KCND3: variants seen among roughly 807,000 people sequenced by gnomAD.
KCND3 encodes the protein A-type voltage-gated potassium channel KCND3.
In KCND3, 9 loss-of-function variants were observed where a neutral mutation model predicts 51.1. The ratio of observed to expected loss-of-function variants is 0.18; its 90% CI spans 0.11 to 0.31. The LOEUF (loss-of-function observed/expected upper bound fraction) is 0.31, where lower values mean the gene tolerates loss of function less well. KCND3 is among the 10% of genes least tolerant of loss of function. The probability of loss-of-function intolerance (pLI) is 1.00; values close to 1 mark genes in which losing one functional copy is unlikely to be tolerated. For synonymous variants in KCND3, 349 were observed against 368.0 expected, an observed-to-expected ratio of 0.95 and a Z score of 0.59; for missense variants, 526 against 903.8, an observed-to-expected ratio of 0.58 and a Z score of 5.36.
intron 2 of KCND3, among the ~76,000 whole-genome samples, chr1:111,966,316 G>T (rs962558541): frequency 2.6e-5 from 4 of 152,170 alleles, no homozygotes; most frequent in African/African-American, 9.7e-5. Context: ...ATAAAATACT[G>T]GGGGTGGAGA....
intron 2 of KCND3, among the ~76,000 whole-genome samples, chr1:111,878,434 C>T (rs966717635): frequency 2.6e-5 from 4 of 152,214 alleles, no homozygotes; most frequent in African/African-American, 7.2e-5. Flanking sequence ...CCTGCTGTGG[C>T]GCCCGCCCAA....
At chr1:111,890,322 T>C (rs2101760246) in intron 2 of KCND3, among the ~76,000 whole-genome samples, 1 of 152,064 alleles carries the variant, frequency 6.6e-6, no homozygotes, top group Non-Finnish European at 1.5e-5. Flanking sequence ...CAAGATGTCT[T>C]GAGAGGTTGG....
chr1:111,986,577 T>C (rs1675296701), intron 1 of KCND3, among the ~76,000 whole-genome samples: 1 of 152,220 alleles, frequency 6.6e-6, no homozygotes, highest in Non-Finnish European at 1.5e-5. Flanking sequence ...ATGATCACCC[T>C]CTGGGCCTCA....
intron 2 of KCND3, among the ~76,000 whole-genome samples, chr1:111,954,791 C>G (rs1156944218): frequency 6.6e-6 from 1 of 152,240 alleles, no homozygotes; most frequent in Non-Finnish European, 1.5e-5. Context: ...TCCTCTGGGA[C>G]TCTAACCTAA....
At chr1:111,972,168 C>CTTTTTTTTTTTTT (rs56102317) in intron 2 of KCND3, among the ~76,000 whole-genome samples, 1 of 80,202 alleles carries the variant, frequency 1.2e-5, no homozygotes, top group East Asian at 3.6e-4. Context: ...ATTTGTATAT[C>CTTTTTTTTTTTTT]TTTTTTTTTT....
At chr1:111,941,101 A>G (rs1672495669) in intron 2 of KCND3, among the ~76,000 whole-genome samples, 1 of 152,124 alleles carries the variant, frequency 6.6e-6, no homozygotes, top group Non-Finnish European at 1.5e-5. Context: ...GCTCTGACAA[A>G]CTTACCTCAG....
At chr1:111,959,316 A>G (rs1673509188) in intron 2 of KCND3, among the ~76,000 whole-genome samples, 1 of 152,084 alleles carries the variant, frequency 6.6e-6, no homozygotes, top group African/African-American at 2.4e-5. Context: ...CAGGATGGAG[A>G]GACAACTATA....
chr1:111,902,674 A>T (rs559805204), intron 2 of KCND3, among the ~76,000 whole-genome samples: 8 of 152,316 alleles, frequency 5.3e-5, no homozygotes, highest in African/African-American at 1.7e-4. Flanking sequence ...GCTACTTTCC[A>T]GTGTTGTGCC....
At position 111,955,571 on chromosome 1, in the gene KCND3, T is replaced by G. The variant is rs118074786; in HGVS notation, c.1106+26050A>C. On this transcript the variant is annotated intron_variant, in intron 2 of 7. Coordinates refer to ENST00000302127, the MANE Select transcript of KCND3 (RefSeq NM_001378969.1). Reference sequence around the variant, plus strand: ...TGCATTGTAATGATCTGTTTACATGTGCGTCTCCCTCGCTGGGCCCTCACT... The same window carrying G: ...TGCATTGTAATGATCTGTTTACATGGGCGTCTCCCTCGCTGGGCCCTCACT... Among the ~76,000 whole-genome samples the G allele has an allele frequency of 1.9e-3, 297 of 152,334 alleles. 8 individuals carry two copies. The East Asian group carries it at 0.055, about 28-fold the overall frequency.
chr1:111,778,356 CG>C, intron 6 of KCND3, 79 bp downstream of exon 6: 4 of 1,331,104 alleles, frequency 3.0e-6, no homozygotes, highest in Non-Finnish European at 4.3e-6. Context: ...AGAACCAGGC[CG>C]GGGGGTAAAA....
chr1:111,978,074 A>G (rs1407531678), intron 2 of KCND3, among the ~76,000 whole-genome samples: 2 of 152,202 alleles, frequency 1.3e-5, no homozygotes, highest in Non-Finnish European at 2.9e-5. Flanking sequence ...TCAAGCCCTG[A>G]CAGCAGCTGG....
At chr1:111,796,403 A>G (rs1665059126) in intron 2 of KCND3, among the ~76,000 whole-genome samples, 1 of 151,172 alleles carries the variant, frequency 6.6e-6, no homozygotes, top group Non-Finnish European at 1.5e-5. Flanking sequence ...GACCAGACCA[A>G]AAAAAAAATG....
chr1:111,796,299 T>C (rs924472626), intron 2 of KCND3, among the ~76,000 whole-genome samples: 14 of 152,110 alleles, frequency 9.2e-5, no homozygotes, highest in African/African-American at 3.1e-4. Flanking sequence ...TAGGTTGTCT[T>C]CCATATCATA....
At chr1:111,919,514 AG>A (rs920555703) in intron 2 of KCND3, among the ~76,000 whole-genome samples, 3 of 152,110 alleles carry the variant, frequency 2.0e-5, no homozygotes, top group African/African-American at 7.2e-5. Context: ...GAGGAGATAA[AG>A]CCCTGAGGGC....
In KCND3 at chr1:111,835,359, G is replaced by A. The variant is rs189896562; in HGVS notation, c.1107-48253C>T. Among the ~76,000 whole-genome samples the A allele has an allele frequency of 1.4e-3, 212 of 152,306 alleles. 1 individual carries two copies. The highest frequency in any genetic ancestry group is 2.8e-3 in the Non-Finnish European group (188 of 68,018). On this transcript the variant is annotated intron_variant, in intron 2 of 7. Coordinates refer to ENST00000302127, the MANE Select transcript of KCND3 (RefSeq NM_001378969.1). ...TGTAAATCCAGATCCATCTGTCAGAGGTGTTTGAACCAGAGCAAGTCCATC... is the reference window on the plus strand; with the variant it reads ...TGTAAATCCAGATCCATCTGTCAGAAGTGTTTGAACCAGAGCAAGTCCATC...
At chr1:111,842,707 C>T (rs1388837668) in intron 2 of KCND3, among the ~76,000 whole-genome samples, 1 of 152,196 alleles carries the variant, frequency 6.6e-6, no homozygotes, top group Admixed American at 6.5e-5. Flanking sequence ...AGGTGCCTTT[C>T]CAACTCAGTT....
intron 2 of KCND3, among the ~76,000 whole-genome samples, chr1:111,875,922 A>G (rs560355661): frequency 6.6e-6 from 1 of 152,352 alleles, no homozygotes; most frequent in Admixed American, 6.5e-5. Flanking sequence ...TCAACATGAA[A>G]TTGTGGCTGA....
At chr1:111,843,093 C>T (rs1258192624) in intron 2 of KCND3, among the ~76,000 whole-genome samples, 2 of 152,198 alleles carry the variant, frequency 1.3e-5, no homozygotes, top group African/African-American at 2.4e-5. Context: ...GTCTTTCTCC[C>T]TCTGAGTTAT....
chr1:111,820,145 T>C (rs1250688911), intron 2 of KCND3, among the ~76,000 whole-genome samples: 1 of 152,208 alleles, frequency 6.6e-6, no homozygotes, highest in East Asian at 1.9e-4. Context: ...GTTATGCATT[T>C]CCCAATGTTC....
Sources: allele counts gnomAD v4.1 joint callset (sites outside exome capture counted in the v4.1 genomes callset), GRCh38; gene constraint gnomAD v4.1.1; transcripts MANE v1.5; gene names NCBI Gene and HGNC (gene_info 2026-07-23, HGNC 2026-07-21).